Variants in PCDH15 observed in about 807,000 individuals in gnomAD.
The protein encoded by PCDH15 is protocadherin-15.
PCDH15 carries 129 observed loss-of-function variants against 178.5 expected under a neutral mutation model. The observed-to-expected ratio is 0.72, with a 90% CI of 0.63 to 0.84. The LOEUF (loss-of-function observed/expected upper bound fraction) is 0.84, where lower values mean the gene tolerates loss of function less well. PCDH15 is among the 40% of genes least tolerant of loss of function. The pLI, the probability that PCDH15 is intolerant of heterozygous loss-of-function variation, is 0.00. For missense variants in PCDH15, 2,230 were observed against 2,099.9 expected, an observed-to-expected ratio of 1.06 and a Z score of -1.21; for synonymous variants, 800 against 732.0, an observed-to-expected ratio of 1.09 and a Z score of -1.50.
At chr10:54,572,324 A>T (rs1195514561) in intron 2 of PCDH15, among the ~76,000 whole-genome samples, 1 of 152,104 alleles carries the variant, frequency 6.6e-6, no homozygotes, top group Non-Finnish European at 1.5e-5. Flanking sequence ...TGCCATAATG[A>T]GTGATATTAT....
chr10:54,961,137 G>A (rs1289109420), intron 2 of PCDH15, among the ~76,000 whole-genome samples: 1 of 152,248 alleles, frequency 6.6e-6, no homozygotes, highest in Non-Finnish European at 1.5e-5. Flanking sequence ...CAGTGTTGGA[G>A]GAGCAGACAG....
intron 3 of PCDH15, among the ~76,000 whole-genome samples, chr10:54,436,025 AGGAGAGGAG>A (rs2075370414): frequency 2.1e-5 from 1 of 48,342 alleles, no homozygotes; most frequent in African/African-American, 1.3e-4. Flanking sequence ...AGGAGAGGAG[AGGAGAGGAG>A]AGAGAGAGAG....
intron 2 of PCDH15, among the ~76,000 whole-genome samples, chr10:54,908,099 C>G (rs1056903062): frequency 6.6e-6 from 1 of 152,216 alleles, no homozygotes; most frequent in African/African-American, 2.4e-5. Flanking sequence ...GTGCCTTTGC[C>G]TGAGTTTTGC....
intron 1 of PCDH15, among the ~76,000 whole-genome samples, chr10:54,674,562 C>A (rs1380658556): frequency 6.6e-6 from 1 of 152,054 alleles, no homozygotes; most frequent in African/African-American, 2.4e-5. Context: ...TACCATTTAT[C>A]TTATAAATCT....
intron 3 of PCDH15, among the ~76,000 whole-genome samples, chr10:54,431,215 C>A (rs1358721168): frequency 3.3e-5 from 5 of 152,154 alleles, no homozygotes; most frequent in African/African-American, 1.2e-4. Flanking sequence ...TCAAACTATT[C>A]TGAAAAATAA....
At chr10:55,402,597 T>C (rs1210593104) in intron 2 of PCDH15, among the ~76,000 whole-genome samples, 1 of 152,042 alleles carries the variant, frequency 6.6e-6, no homozygotes, top group East Asian at 1.9e-4. Context: ...GCCTGGCTTA[T>C]TTAACTAAAT....
chr10:55,082,599 G>A (rs558165378), intron 2 of PCDH15, among the ~76,000 whole-genome samples: 30 of 136,958 alleles, frequency 2.2e-4, no homozygotes, highest in South Asian at 2.3e-4. Flanking sequence ...AAAAAAACAC[G>A]CAAAATATCA....
intron 2 of PCDH15, among the ~76,000 whole-genome samples, chr10:55,548,290 T>C (rs939912111): frequency 6.6e-6 from 1 of 151,014 alleles, no homozygotes; most frequent in Non-Finnish European, 1.5e-5. Context: ...TTTTATGTCA[T>C]AAAGTTTTGG....
intron 23 of PCDH15, 36 bp downstream of exon 23, chr10:53,959,696 A>T: frequency 2.0e-6 from 3 of 1,499,098 alleles, no homozygotes; most frequent in Non-Finnish European, 2.8e-6. Context: ...TGCCCTAAAC[A>T]TTTCGTGTAT....
chr10:54,200,432 C>A (rs1354311204), intron 10 of PCDH15, among the ~76,000 whole-genome samples: 1 of 151,890 alleles, frequency 6.6e-6, no homozygotes, highest in African/African-American at 2.4e-5. Context: ...TAGGCCCCCA[C>A]CCTCGACAGG....
intron 3 of PCDH15, among the ~76,000 whole-genome samples, chr10:54,456,957 C>A (rs562331899): frequency 6.6e-6 from 1 of 152,224 alleles, no homozygotes; most frequent in East Asian, 1.9e-4. Flanking sequence ...GAGGCCTCCC[C>A]AGCCCTATGG....
intron 2 of PCDH15, among the ~76,000 whole-genome samples, chr10:54,611,288 T>TA (rs869175862): frequency 4.0e-5 from 6 of 151,574 alleles, no homozygotes; most frequent in African/African-American, 1.5e-4. Flanking sequence ...TTTATTTTTT[T>TA]AAAAAAAACC....
chr10:55,622,046 TA>T (rs1837404437), intron 2 of PCDH15, among the ~76,000 whole-genome samples: 1 of 141,662 alleles, frequency 7.1e-6, no homozygotes, highest in Admixed American at 7.5e-5. Context: ...ATAATATATA[TA>T]TAAATTGTAT....
intron 2 of PCDH15, among the ~76,000 whole-genome samples, chr10:55,089,732 G>A (rs1430764296): frequency 6.6e-6 from 1 of 152,086 alleles, no homozygotes; most frequent in Non-Finnish European, 1.5e-5. Flanking sequence ...TTCAGAACTT[G>A]TAAAATGGGG....
At chr10:55,249,454 A>G (rs994104038) in intron 1 of PCDH15, among the ~76,000 whole-genome samples, 2 of 152,200 alleles carry the variant, frequency 1.3e-5, no homozygotes, top group African/African-American at 4.8e-5. Context: ...AAAGGGAAAG[A>G]CAATACAAAT....
chr10:55,603,436 T>A (rs1346131616), intron 2 of PCDH15, among the ~76,000 whole-genome samples: 3 of 151,426 alleles, frequency 2.0e-5, no homozygotes, highest in Non-Finnish European at 4.4e-5. Context: ...CCAAGACACA[T>A]AATTGTCAGA....
intron 2 of PCDH15, among the ~76,000 whole-genome samples, chr10:55,069,859 T>A (rs1186159642): frequency 6.6e-6 from 1 of 151,996 alleles, no homozygotes; most frequent in Non-Finnish European, 1.5e-5. Context: ...CCACACTGAC[T>A]TCCACAATGG....
intron 2 of PCDH15, among the ~76,000 whole-genome samples, chr10:55,098,895 T>TGATAGAGAGAGAGAGAGAGAGAGAGAGA (rs1842508607): frequency 8.3e-6 from 1 of 120,198 alleles, no homozygotes; most frequent in Non-Finnish European, 1.8e-5. Context: ...AAAACTTCAA[T>TGATAGAGAGAGAGAGAGAGAGAGAGAGA]GAGAGAGAGA....
intron 1 of PCDH15, among the ~76,000 whole-genome samples, chr10:55,299,268 T>C (rs560828526): frequency 6.6e-6 from 1 of 152,280 alleles, no homozygotes; most frequent in Admixed American, 6.5e-5. Context: ...TCAATTCTCA[T>C]GGAGGTCATT....
Sources: allele counts gnomAD v4.1 joint callset (sites outside exome capture counted in the v4.1 genomes callset), GRCh38; gene constraint gnomAD v4.1.1; transcripts MANE v1.5; gene names NCBI Gene and HGNC (gene_info 2026-07-23, HGNC 2026-07-21).